The following PDE2A variants were observed in gnomAD, a reference collection of about 807,000 sequenced individuals.
PDE2A encodes cGMP-dependent 3',5'-cyclic phosphodiesterase.
PDE2A carries 53 observed loss-of-function variants against 133.6 expected under a neutral mutation model. The observed-to-expected ratio is 0.40, with a 90% confidence interval of 0.32 to 0.50. The LOEUF (loss-of-function observed/expected upper bound fraction) is 0.50. PDE2A is among the 20% of genes least tolerant of loss of function. The probability of loss-of-function intolerance (pLI) is 0.73; values close to 1 mark genes in which losing one functional copy is unlikely to be tolerated. For missense variants in PDE2A, 796 were observed against 1,232.4 expected (o/e 0.65, Z 5.30); for synonymous variants, 491 against 490.2 (o/e 1.00, Z -0.02).
intron 18 of PDE2A, 102 bp from the exon 19 acceptor site, chr11:72,584,415 A>G: frequency 7.9e-7 from 1 of 1,259,408 alleles, no homozygotes; most frequent in Non-Finnish European, 1.1e-6. Flanking sequence ...CAGGTTACGT[A>G]CGTCCCAGGC....
intron 2 of PDE2A, among the ~76,000 whole-genome samples, chr11:72,627,742 C>T (rs1283049228): frequency 6.6e-6 from 1 of 152,224 alleles, no homozygotes; most frequent in Non-Finnish European, 1.5e-5. Flanking sequence ...CCCTCATCCA[C>T]GTCCGCCTCT....
intron 3 of PDE2A, among the ~76,000 whole-genome samples, chr11:72,606,248 ACT>A (rs990752685): frequency 2.0e-5 from 3 of 151,620 alleles, no homozygotes; most frequent in African/African-American, 7.3e-5. Context: ...CTTGTCCACA[ACT>A]CTGCTGTTTT....
At chr11:72,601,811 C>A (rs1022270000) in intron 4 of PDE2A, among the ~76,000 whole-genome samples, 1 of 152,190 alleles carries the variant, frequency 6.6e-6, no homozygotes, top group Non-Finnish European at 1.5e-5. Flanking sequence ...TCTCCAGCCC[C>A]AAGGTCGTTT....
At chr11:72,647,583 G>A (rs941473043) in intron 1 of PDE2A, among the ~76,000 whole-genome samples, 7 of 152,236 alleles carry the variant, frequency 4.6e-5, no homozygotes, top group African/African-American at 1.7e-4. Flanking sequence ...ACCTGGGCTA[G>A]AGCCCATGGA....
At chr11:72,644,546 G>C (rs1258720835) in intron 1 of PDE2A, among the ~76,000 whole-genome samples, 1 of 152,142 alleles carries the variant, frequency 6.6e-6, no homozygotes, top group Non-Finnish European at 1.5e-5. Context: ...AAGGCTGGGT[G>C]AGATACAGGT....
Position 72,590,178 on chromosome 11 carries a change from G to T in PDE2A, c.756+14C>A, listed in dbSNP as rs1455766349. 1 of 1,546,160 alleles carries T rather than the reference G, an allele frequency of 6.5e-7. No homozygotes were observed. The highest frequency in any genetic ancestry group is 1.2e-5 in the South Asian group (1 of 83,838). On this transcript the variant is annotated intron_variant, in intron 9 of 30. Coordinates refer to ENST00000334456, the MANE Select transcript of PDE2A (RefSeq NM_002599.5). The surrounding 1 kb of genome is among the most constrained non-coding windows in gnomAD (Gnocchi z 4.8). ...CAGGACGGGGAGGTGGCCGGCAGGG[G>T]CGCAGGGACTCACGTATTGGAGCAC...
intron 2 of PDE2A, among the ~76,000 whole-genome samples, chr11:72,617,735 A>C (rs1857543308): frequency 6.6e-6 from 1 of 152,160 alleles, no homozygotes. Context: ...CTGGAGAGGC[A>C]GGGCTGGCTG....
At chr11:72,628,717 G>C (rs947750674) in intron 2 of PDE2A, among the ~76,000 whole-genome samples, 1 of 152,366 alleles carries the variant, frequency 6.6e-6, no homozygotes, top group East Asian at 1.9e-4. Context: ...CACCTAGGAA[G>C]CAAGGGAGTT....
chr11:72,581,939 C>G lies in PDE2A; in HGVS notation c.1860G>C (p.Leu620=). The G allele has an allele frequency of 6.2e-7, 1 of 1,613,812 alleles. No homozygotes were observed. The highest frequency in any genetic ancestry group is 8.5e-7 in the Non-Finnish European group (1 of 1,179,766). Residue 620 remains leucine (L), a synonymous_variant, in exon 22 of 31, where the codon CTG becomes CTC. Coordinates refer to ENST00000334456, the MANE Select transcript of PDE2A (RefSeq NM_002599.5). ...TGAAATTCATGTCCTGCAGCATGCT[C>G]AGGATGGCCTGGAGAGGGCAGAGGG... ...LPEDDTSMAI[L]SMLQDMNFIN...
chr11:72,610,744 G>A (rs1857173133), intron 2 of PDE2A, among the ~76,000 whole-genome samples: 1 of 152,118 alleles, frequency 6.6e-6, no homozygotes, highest in Non-Finnish European at 1.5e-5. Flanking sequence ...CCTCATCACA[G>A]CACAGACAAC....
At chr11:72,592,885 G>A (rs936368008) in intron 6 of PDE2A, among the ~76,000 whole-genome samples, 5 of 152,052 alleles carry the variant, frequency 3.3e-5, no homozygotes, top group African/African-American at 1.2e-4. Flanking sequence ...GGACAGCGGG[G>A]GCGGGAGGGA....
At chr11:72,653,900 G>C (rs746701380) in intron 1 of PDE2A, among the ~76,000 whole-genome samples, 5 of 152,254 alleles carry the variant, frequency 3.3e-5, no homozygotes, top group African/African-American at 7.2e-5. Context: ...TCTTGCCCAA[G>C]ATGGAACAAT....
At chr11:72,636,970 C>A (rs1224860233) in intron 2 of PDE2A, among the ~76,000 whole-genome samples, 2 of 152,198 alleles carry the variant, frequency 1.3e-5, no homozygotes, top group Admixed American at 1.3e-4. Flanking sequence ...TTTACCAGTC[C>A]CCATCCCCCC....
chr11:72,592,310 G>A (rs541289134), intron 6 of PDE2A, among the ~76,000 whole-genome samples: 65 of 152,328 alleles, frequency 4.3e-4, no homozygotes, highest in Non-Finnish European at 6.8e-4. Flanking sequence ...CGCCTGCACT[G>A]GGGGCTCCTC....
At chr11:72,599,919 G>T (rs568442519) in intron 4 of PDE2A, among the ~76,000 whole-genome samples, 63 of 152,240 alleles carry the variant, frequency 4.1e-4, no homozygotes, top group Non-Finnish European at 7.1e-4. Context: ...GGTGCAGGGT[G>T]TGATGGAGTC....
intron 2 of PDE2A, among the ~76,000 whole-genome samples, chr11:72,621,070 G>C (rs1288304285): frequency 1.3e-5 from 2 of 152,092 alleles, no homozygotes; most frequent in Non-Finnish European, 2.9e-5. Flanking sequence ...CCTCCTAAGA[G>C]CTCCCATTTT....
intron 23 of PDE2A, 84 bp downstream of exon 23, chr11:72,581,273 G>C (rs1591012763): frequency 7.1e-7 from 1 of 1,408,580 alleles, no homozygotes; most frequent in Non-Finnish European, 9.9e-7. Flanking sequence ...TGCGTGTAAA[G>C]TGCCTGACAC....
intron 4 of PDE2A, among the ~76,000 whole-genome samples, chr11:72,599,705 G>A (rs772804438): frequency 2.6e-5 from 4 of 152,188 alleles, no homozygotes; most frequent in South Asian, 2.1e-4. Flanking sequence ...GAAAAACCTC[G>A]GGGAGCATTC....
chr11:72,589,395 G>A (rs554787363), intron 11 of PDE2A, among the ~76,000 whole-genome samples, 155 bp from the exon 12 acceptor site: 1 of 152,302 alleles, frequency 6.6e-6, no homozygotes, highest in African/African-American at 2.4e-5. Flanking sequence ...ATGGAGGGGA[G>A]TCTGGCAGAA....
Sources: allele counts gnomAD v4.1 joint callset (sites outside exome capture counted in the v4.1 genomes callset), GRCh38; gene constraint gnomAD v4.1.1; non-coding constraint Gnocchi (gnomAD v3.1); transcripts MANE v1.5; gene names NCBI Gene and HGNC (gene_info 2026-07-23, HGNC 2026-07-21).